The following CHRM3 variants were observed in gnomAD, a reference collection of about 807,000 sequenced individuals.
The protein encoded by CHRM3 is muscarinic acetylcholine receptor M3.
CHRM3 carries 11 observed loss-of-function variants against 41.8 expected under a neutral mutation model. That is an observed-to-expected ratio of 0.26 (90% confidence interval 0.17 to 0.44). The LOEUF (loss-of-function observed/expected upper bound fraction) is 0.44. CHRM3 is among the 20% of genes least tolerant of loss of function. The probability of loss-of-function intolerance (pLI) is 1.00; values close to 1 mark genes in which losing one functional copy is unlikely to be tolerated. For synonymous variants in CHRM3, 297 were observed against 301.4 expected (o/e 0.99, Z 0.15); for missense variants, 571 against 745.4 (o/e 0.77, Z 2.72).
At chr1:239,641,746 G>C (rs60368161) in intron 4 of CHRM3, among the ~76,000 whole-genome samples, 17,056 of 102,336 alleles carry the variant, frequency 0.17, 1,813 homozygotes, top group Middle Eastern at 0.22. Context: ...CTTTTAATTG[G>C]AGCATTTAGT....
chr1:239,521,660 C>A (rs750226266), intron 2 of CHRM3, among the ~76,000 whole-genome samples: 3 of 152,014 alleles, frequency 2.0e-5, no homozygotes, highest in Non-Finnish European at 2.9e-5. Flanking sequence ...AATTTCATTG[C>A]ATAATTGGAT....
chr1:239,415,859 G>C (rs1225257165), intron 1 of CHRM3, among the ~76,000 whole-genome samples: 6 of 152,104 alleles, frequency 3.9e-5, no homozygotes, highest in Non-Finnish European at 8.8e-5. Context: ...CTGATTTAGT[G>C]GTCTTATGTA....
intron 2 of CHRM3, among the ~76,000 whole-genome samples, chr1:239,543,867 T>C (rs1283759698): frequency 1.3e-5 from 2 of 152,176 alleles, no homozygotes; most frequent in Non-Finnish European, 2.9e-5. Flanking sequence ...TGGGTCATAC[T>C]GTTTCTGTTA....
In CHRM3 at chr1:239,613,080, A is replaced by G. The variant is rs80080419; in HGVS notation, c.-312-19144A>G. Among the ~76,000 whole-genome samples the G allele has an allele frequency of 9.0e-4, 137 of 152,332 alleles. 1 individual carries two copies. The highest frequency in any genetic ancestry group is 3.2e-3 in the African/African-American group (132 of 41,588). On this transcript the variant is annotated intron_variant, in intron 3 of 6. Transcript: ENST00000676153. ...GATTAGGAGACTGCTGCCGAAAACTATATGGCAAATGGGGCAGATGTGATT... is the reference window on the plus strand; with the variant it reads ...GATTAGGAGACTGCTGCCGAAAACTGTATGGCAAATGGGGCAGATGTGATT...
chr1:239,637,906 TC>T (rs1322889547), intron 4 of CHRM3, among the ~76,000 whole-genome samples: 6 of 79,642 alleles, frequency 7.5e-5, no homozygotes, highest in African/African-American at 1.0e-4. Flanking sequence ...ATGCTATCCC[TC>T]CCCCCTCCCC....
rs1376208299 is a variant in CHRM3 at position 239,913,280 on chromosome 1, T to C, written c.*4056T>C. ...AATAGAGTTTCTAGGTAGCAGGTGT[T>C]TGCTTTGGTTTTGCAATAGCATTTC... is the stretch of plus-strand genomic sequence containing the variant. On this transcript the variant is annotated 3_prime_UTR_variant, in exon 7 of 7. Coordinates refer to ENST00000676153, the MANE Select transcript of CHRM3 (RefSeq NM_001375978.1). 1 of 167,046 alleles carries C rather than the reference T, an allele frequency of 6.0e-6. No homozygotes were observed. Among genetic ancestry groups the C allele is most frequent in the African/African-American group, 2.4e-5 (1 of 41,436 alleles). 10.3% of individuals were successfully genotyped at this position (167,046 alleles called of 1,614,324 possible).
chr1:239,798,213 A>T (rs775060328), intron 5 of CHRM3, among the ~76,000 whole-genome samples: 2 of 152,160 alleles, frequency 1.3e-5, no homozygotes, highest in Non-Finnish European at 1.5e-5. Context: ...AGTATATAAC[A>T]TATATAAAAT....
chr1:239,408,505 CAG>C (rs1392170513), intron 1 of CHRM3, among the ~76,000 whole-genome samples: 3 of 116,746 alleles, frequency 2.6e-5, no homozygotes, highest in South Asian at 5.8e-4. Flanking sequence ...GCCTGGGCAA[CAG>C]AGAGAGACTC....
chr1:239,850,282 A>T (rs953462371), intron 6 of CHRM3, among the ~76,000 whole-genome samples: 5 of 152,182 alleles, frequency 3.3e-5, no homozygotes, highest in Non-Finnish European at 5.9e-5. Flanking sequence ...ATTAAGTGGA[A>T]GTGAATTATC....
chr1:239,572,925 GA>G (rs1661966408), intron 3 of CHRM3, among the ~76,000 whole-genome samples: 1 of 152,116 alleles, frequency 6.6e-6, no homozygotes, highest in Non-Finnish European at 1.5e-5. Context: ...ATCCCGCTTA[GA>G]ATTTAGCTTT....
chr1:239,602,090 A>ATGTGTGTGTGTGTGTGTGTG (rs1553337601), intron 3 of CHRM3, among the ~76,000 whole-genome samples: 4 of 131,230 alleles, frequency 3.0e-5, no homozygotes, highest in Non-Finnish European at 6.2e-5. Context: ...ACATATATAC[A>ATGTGTGTGTGTGTGTGTGTG]TGTGTGTGTG....
intron 1 of CHRM3, among the ~76,000 whole-genome samples, chr1:239,413,986 G>A (rs1661307039): frequency 6.6e-6 from 1 of 152,210 alleles, no homozygotes; most frequent in Non-Finnish European, 1.5e-5. Flanking sequence ...TGAGGTGTTT[G>A]TTGAAGAGAA....
intron 1 of CHRM3, among the ~76,000 whole-genome samples, chr1:239,437,725 G>T (rs1663386754): frequency 6.6e-6 from 1 of 151,948 alleles, no homozygotes; most frequent in African/African-American, 2.4e-5. Flanking sequence ...CCATTGAAGT[G>T]GAGGCAGAGG....
chr1:239,866,307 G>GCGGAGCTTGCAGTGAGCTGAGAT (rs1208321862), intron 6 of CHRM3, among the ~76,000 whole-genome samples: 3 of 152,176 alleles, frequency 2.0e-5, no homozygotes, highest in Middle Eastern at 3.4e-3. Context: ...AACCCGGGAG[G>GCGGAGCTTGCAGTGAGCTGAGAT]CGGAGCTTGC....
chr1:239,578,379 A>T (rs1662569317), intron 3 of CHRM3, among the ~76,000 whole-genome samples: 1 of 152,186 alleles, frequency 6.6e-6, no homozygotes, highest in South Asian at 2.1e-4. Context: ...TATTTCAGTG[A>T]TACCACTTTG....
At chr1:239,775,588 G>A (rs1668026667) in intron 5 of CHRM3, among the ~76,000 whole-genome samples, 1 of 152,190 alleles carries the variant, frequency 6.6e-6, no homozygotes, top group Non-Finnish European at 1.5e-5. Flanking sequence ...CTGGATGTGT[G>A]TATAACTATG....
intron 4 of CHRM3, among the ~76,000 whole-genome samples, chr1:239,640,732 A>G (rs1164814688): frequency 1.3e-5 from 2 of 150,436 alleles, no homozygotes; most frequent in Non-Finnish European, 3.0e-5. Context: ...GGATTCATTA[A>G]TTTTTTGAAG....
intron 6 of CHRM3, chr1:239,899,862 G>A (rs191301773): frequency 1.3e-5 from 2 of 152,150 alleles, no homozygotes; most frequent in African/African-American, 4.8e-5. Flanking sequence ...AACCTGGCAG[G>A]GAGGGAGCCT....
chr1:239,888,372 A>G (rs1678246820), intron 6 of CHRM3, among the ~76,000 whole-genome samples: 2 of 151,964 alleles, frequency 1.3e-5, no homozygotes, highest in South Asian at 4.2e-4. Context: ...CTGTCTCAAA[A>G]AAAAAAGGAA....
Sources: gnomAD v4.1 joint callset for allele counts (sites outside exome capture counted in the v4.1 genomes callset) on GRCh38, gnomAD v4.1.1 for gene constraint, MANE v1.5 for transcripts, NCBI Gene and HGNC (gene_info 2026-07-23, HGNC 2026-07-21) for gene names.